The following LGR5 variants were observed in gnomAD, a reference collection of about 807,000 sequenced individuals.
The protein encoded by LGR5 is leucine-rich repeat-containing G protein-coupled receptor 5.
In LGR5, 54 loss-of-function variants were observed where a neutral mutation model predicts 76.7. That is an observed-to-expected ratio of 0.70 (90% confidence interval 0.57 to 0.88). The LOEUF is 0.88. Ranked by LOEUF, LGR5 falls within the 40% of genes least tolerant of loss-of-function variation. The pLI, the probability that LGR5 is intolerant of heterozygous loss-of-function variation, is 0.00. For synonymous variants in LGR5, 406 were observed against 421.9 expected (o/e 0.96, Z 0.46); for missense variants, 1,078 against 1,073.3 (o/e 1.00, Z -0.06).
chr12:71,511,790 T>C (rs940348765), intron 2 of LGR5, among the ~76,000 whole-genome samples: 1 of 152,166 alleles, frequency 6.6e-6, no homozygotes, highest in Non-Finnish European at 1.5e-5. Flanking sequence ...CTACCTTGCC[T>C]GCTTGCCACC....
At chr12:71,458,104 TA>T (rs1212290919) in intron 1 of LGR5, among the ~76,000 whole-genome samples, 3 of 152,016 alleles carry the variant, frequency 2.0e-5, no homozygotes, top group East Asian at 3.8e-4. Flanking sequence ...TTTTGTTTCT[TA>T]AAAAAAATCT....
intron 1 of LGR5, among the ~76,000 whole-genome samples, chr12:71,490,326 A>G (rs1408084160): frequency 6.6e-6 from 1 of 152,156 alleles, no homozygotes; most frequent in African/African-American, 2.4e-5. Flanking sequence ...TTGGCATAAG[A>G]CCCATTAACA....
intron 1 of LGR5, among the ~76,000 whole-genome samples, chr12:71,494,921 G>A (rs1040010000): frequency 5.3e-5 from 8 of 151,134 alleles, no homozygotes; most frequent in African/African-American, 1.5e-4. Context: ...AACTTGGAGA[G>A]CTCAGGACAC....
chr12:71,583,887 G>T lies in LGR5; in HGVS notation c.1877G>T (p.Arg626Leu). The change falls in exon 18 of 18, where the codon CGA becomes CTA. Residue 626 changes from arginine (R) to leucine (L), a missense_variant. Arg to Leu is a moderately radical substitution (Grantham distance 102). Transcript: ENST00000266674. The part of the protein sequence containing the change: ...VDAFTFGSFA[R>L]HGAWWENGVG... ...GCGTTCACTTTTGGCAGCTTTGCACGACATGGTGCCTGGTGGGAGAATGGG... is the reference window on the plus strand; with the variant it reads ...GCGTTCACTTTTGGCAGCTTTGCACTACATGGTGCCTGGTGGGAGAATGGG... 1 of 1,614,146 alleles carries T rather than the reference G, an allele frequency of 6.2e-7. No individual in the cohort carries two copies. The highest frequency in any genetic ancestry group is 8.5e-7 in the Non-Finnish European group (1 of 1,180,034).
intron 6 of LGR5, among the ~76,000 whole-genome samples, chr12:71,558,157 A>G (rs142688455): frequency 1.3e-5 from 2 of 152,324 alleles, no homozygotes; most frequent in East Asian, 3.9e-4. Context: ...AGCAGTTCCC[A>G]TCAGCTGCTA....
rs140315053 is a variant in LGR5 at position 71,535,151 on chromosome 12, A to C, written c.393A>C (p.Thr131=). 1 of 1,612,308 alleles carries C rather than the reference A, an allele frequency of 6.2e-7. No homozygotes were observed. Among genetic ancestry groups the C allele is most frequent in the African/African-American group, 1.3e-5 (1 of 75,026 alleles). ...LQNNQLRHVP[T]EALQNLRSLQ... ...ATAATCAGCTAAGACACGTACCCAC[A>C]GAAGCTCTGCAGAATTTGCGAAGCC... is the stretch of plus-strand genomic sequence containing the variant. Residue 131 remains threonine (T), a synonymous_variant, in exon 4 of 18, where the codon ACA becomes ACC. Coordinates refer to ENST00000266674, the MANE Select transcript of LGR5 (RefSeq NM_003667.4).
chr12:71,550,643 T>G (rs1208210262), intron 4 of LGR5, among the ~76,000 whole-genome samples: 1 of 152,004 alleles, frequency 6.6e-6, no homozygotes, highest in Non-Finnish European at 1.5e-5. Flanking sequence ...TTTGTATTTT[T>G]TATAGAAATG....
intron 7 of LGR5, among the ~76,000 whole-genome samples, chr12:71,561,069 A>G (rs1425349125): frequency 6.6e-6 from 1 of 152,222 alleles, no homozygotes; most frequent in Non-Finnish European, 1.5e-5. Flanking sequence ...TTCCCCTAGC[A>G]GTGAGAAATA....
chr12:71,446,776 C>G (rs1872014526), intron 1 of LGR5, among the ~76,000 whole-genome samples: 1 of 152,124 alleles, frequency 6.6e-6, no homozygotes, highest in Admixed American at 6.5e-5. Context: ...GAGCAAAATG[C>G]AGTTTTCAAT....
At chr12:71,561,152 AC>A (rs1434098698) in intron 7 of LGR5, among the ~76,000 whole-genome samples, 3 of 151,980 alleles carry the variant, frequency 2.0e-5, no homozygotes, top group African/African-American at 4.8e-5. Flanking sequence ...GACTTAGGAA[AC>A]CCCATGTGTG....
chr12:71,584,559 T>C lies in LGR5; in HGVS notation c.2549T>C (p.Met850Thr). The C allele has an allele frequency of 6.2e-7, 1 of 1,614,128 alleles. No homozygotes were observed. Among genetic ancestry groups the C allele is most frequent in the Non-Finnish European group, 8.5e-7 (1 of 1,180,024 alleles). ...ACAAGATCAAAACACCCAAGCTTGA[T>C]GTCAATTAACTCTGATGATGTCGAA... is the stretch of plus-strand genomic sequence containing the variant. The part of the protein sequence containing the change: ...VWTRSKHPSL[M>T]SINSDDVEKQ... Residue 850 changes from methionine to threonine, a missense_variant, in exon 18 of 18, where the codon ATG (methionine) becomes ACG (threonine). Transcript: ENST00000266674.
chr12:71,535,225 A>G, intron 4 of LGR5, 39 bp downstream of exon 4: 1 of 1,328,852 alleles, frequency 7.5e-7, no homozygotes, highest in South Asian at 1.2e-5. Context: ...TTTAAGATCA[A>G]TTTGGGAAGA....
chr12:71,485,590 T>G (rs1241052191), intron 1 of LGR5, among the ~76,000 whole-genome samples: 1 of 151,754 alleles, frequency 6.6e-6, no homozygotes, highest in Admixed American at 6.6e-5. Flanking sequence ...ATTAGCCAGG[T>G]GTGGTGGCAT....
chr12:71,497,187 A>G (rs1874367405), intron 1 of LGR5, among the ~76,000 whole-genome samples: 1 of 152,044 alleles, frequency 6.6e-6, no homozygotes, highest in Non-Finnish European at 1.5e-5. Flanking sequence ...TGGTAGTGCA[A>G]ACCTGTGGTT....
chr12:71,491,736 A>T (rs1277028073), intron 1 of LGR5, among the ~76,000 whole-genome samples: 5 of 149,992 alleles, frequency 3.3e-5, no homozygotes, highest in Admixed American at 1.3e-4. Context: ...GCAAACAAGT[A>T]TTGGCTCTTC....
chr12:71,468,709 CTTTTTTTTTTTTT>C (rs538254378), intron 1 of LGR5, among the ~76,000 whole-genome samples: 2 of 70,064 alleles, frequency 2.9e-5, no homozygotes, highest in African/African-American at 1.2e-4. Context: ...GTGGTAGCCT[CTTTTTTTTTTTTT>C]TTTTTTTTTT....
chr12:71,548,916 T>A (rs1476160089), intron 4 of LGR5, among the ~76,000 whole-genome samples: 2 of 152,200 alleles, frequency 1.3e-5, no homozygotes. Context: ...ATAGTGTAGT[T>A]ATTTTTGTTG....
chr12:71,558,820 A>G (rs1443855741), intron 6 of LGR5, among the ~76,000 whole-genome samples: 3 of 152,242 alleles, frequency 2.0e-5, no homozygotes, highest in African/African-American at 7.2e-5. Context: ...TATAAGGTAG[A>G]GTAAGTCTGT....
chr12:71,530,574 T>A (rs892722304), intron 3 of LGR5, among the ~76,000 whole-genome samples: 1 of 152,196 alleles, frequency 6.6e-6, no homozygotes, highest in African/African-American at 2.4e-5. Context: ...ACATCACTAA[T>A]ATTTAAAGTT....
Sources: gnomAD v4.1 joint callset for allele counts (sites outside exome capture counted in the v4.1 genomes callset) on GRCh38, gnomAD v4.1.1 for gene constraint, MANE v1.5 for transcripts, NCBI Gene and HGNC (gene_info 2026-07-23, HGNC 2026-07-21) for gene names.